REDIC1: variants seen among roughly 807,000 people sequenced by gnomAD.
REDIC1 encodes the protein HEI10 Interacting Protein 1.
the REDIC1 span, among the ~76,000 whole-genome samples, chr12:39,666,898 G>C: frequency 6.6e-6 from 1 of 152,094 alleles, no homozygotes; most frequent in Non-Finnish European, 1.5e-5. Flanking sequence ...TATTTCTGTG[G>C]GATTGGTAGT....
chr12:39,841,417 G>T, the REDIC1 span, among the ~76,000 whole-genome samples: 1 of 152,140 alleles, frequency 6.6e-6, no homozygotes, highest in Non-Finnish European at 1.5e-5. Flanking sequence ...AAGAAAAAGA[G>T]AGCTGTATTT....
chr12:39,782,824 T>C, the REDIC1 span, among the ~76,000 whole-genome samples: 82 of 152,260 alleles, frequency 5.4e-4, no homozygotes, highest in Admixed American at 5.4e-3. Context: ...CAGAGGGAGA[T>C]GAGGAACTTG....
At chr12:39,630,227 A>G in the REDIC1 span, among the ~76,000 whole-genome samples, 1 of 152,218 alleles carries the variant, frequency 6.6e-6, no homozygotes, top group African/African-American at 2.4e-5. Flanking sequence ...GGTAGTAAGA[A>G]AGGAGGAACA....
At chr12:39,747,851 C>A in the REDIC1 span, among the ~76,000 whole-genome samples, 3 of 152,084 alleles carry the variant, frequency 2.0e-5, no homozygotes, top group Admixed American at 1.3e-4. Context: ...AAGGAGAAAT[C>A]AAATCCTTTA....
At chr12:39,677,648 A>G in the REDIC1 span, among the ~76,000 whole-genome samples, 1 of 152,214 alleles carries the variant, frequency 6.6e-6, no homozygotes, top group Non-Finnish European at 1.5e-5. Context: ...CATTCTTTTC[A>G]TCAGCACATG....
chr12:39,803,998 A>G, the REDIC1 span, among the ~76,000 whole-genome samples: 1 of 152,148 alleles, frequency 6.6e-6, no homozygotes, highest in Non-Finnish European at 1.5e-5. Context: ...AAGATACAGT[A>G]CAGGAAGAAG....
At chr12:39,672,993 G>A in the REDIC1 span, among the ~76,000 whole-genome samples, 1 of 152,136 alleles carries the variant, frequency 6.6e-6, no homozygotes, top group East Asian at 1.9e-4. Flanking sequence ...GAGCCCATGA[G>A]GGTTGAGGGA....
the REDIC1 span, among the ~76,000 whole-genome samples, chr12:39,896,965 TA>T: frequency 6.6e-6 from 1 of 152,164 alleles, no homozygotes; most frequent in African/African-American, 2.4e-5. Flanking sequence ...TTCACTTCTC[TA>T]ACTTTTAACC....
the REDIC1 span, among the ~76,000 whole-genome samples, chr12:39,885,302 GAA>G: frequency 2.6e-5 from 4 of 152,278 alleles, no homozygotes; most frequent in Non-Finnish European, 4.4e-5. Context: ...ATCTCCCGAT[GAA>G]AAGAGTGGGC....
At chr12:39,649,368 G>A in the REDIC1 span, among the ~76,000 whole-genome samples, 2 of 151,742 alleles carry the variant, frequency 1.3e-5, no homozygotes, top group Admixed American at 6.6e-5. Context: ...AGTGACTTGG[G>A]GTTTCCTGAT....
At chr12:39,854,772 G>C in the REDIC1 span, among the ~76,000 whole-genome samples, 1 of 152,088 alleles carries the variant, frequency 6.6e-6, no homozygotes, top group Non-Finnish European at 1.5e-5. Context: ...CCTGTGCCTG[G>C]TGGCCCTTTC....
the REDIC1 span, chr12:39,757,876 A>G: frequency 5.9e-5 from 9 of 152,272 alleles, no homozygotes; most frequent in Admixed American, 1.3e-4. Context: ...TATACAATAA[A>G]GAGAAGGATT....
the REDIC1 span, among the ~76,000 whole-genome samples, chr12:39,678,775 G>T: frequency 2.0e-5 from 3 of 152,004 alleles, no homozygotes; most frequent in Non-Finnish European, 4.4e-5. Context: ...TCATACCAGG[G>T]ATGCAGGGAT....
chr12:39,721,425 G>C, the REDIC1 span: 4 of 574,706 alleles, frequency 7.0e-6, no homozygotes, highest in East Asian at 1.2e-4. Flanking sequence ...TATTATTAAT[G>C]TATGTATTTA....
chr12:39,638,758 C>T, the REDIC1 span, among the ~76,000 whole-genome samples: 131,732 of 151,998 alleles, frequency 0.87, 57,346 homozygotes, highest in African/African-American at 0.92. Context: ...TCATTTTCAC[C>T]GCAGTCTAGT....
the REDIC1 span, among the ~76,000 whole-genome samples, chr12:39,740,050 T>A: frequency 1.3e-5 from 2 of 152,242 alleles, no homozygotes; most frequent in Non-Finnish European, 2.9e-5. Flanking sequence ...TGGCAGCTGA[T>A]GTCATGCATT....
At chr12:39,763,602 G>A in the REDIC1 span, among the ~76,000 whole-genome samples, 1 of 152,018 alleles carries the variant, frequency 6.6e-6, no homozygotes, top group Non-Finnish European at 1.5e-5. Context: ...AATGATAAGT[G>A]GCCAGAGCAC....
chr12:39,728,780 CTT>C, the REDIC1 span, among the ~76,000 whole-genome samples: 6 of 92,172 alleles, frequency 6.5e-5, no homozygotes, highest in East Asian at 3.5e-4. Flanking sequence ...TGGTCCTGGG[CTT>C]TTTTTTTTTT....
At chr12:39,645,663 A>C in the REDIC1 span, among the ~76,000 whole-genome samples, 1 of 152,088 alleles carries the variant, frequency 6.6e-6, no homozygotes, top group African/African-American at 2.4e-5. Context: ...TCTCACAGTG[A>C]AAAAATTTTG....
Sources: gnomAD v4.1 joint callset for allele counts (sites outside exome capture counted in the v4.1 genomes callset) on GRCh38, gnomAD v4.1.1 for gene constraint, MANE v1.5 for transcripts, NCBI Gene and HGNC (gene_info 2026-07-23, HGNC 2026-07-21) for gene names.